The following LHX6 variants were observed in gnomAD, a reference collection of about 807,000 sequenced individuals.
LHX6 encodes the protein LIM/homeobox protein Lhx6.
A neutral mutation model predicts 47.1 loss-of-function variants in LHX6; 15 were observed. The observed-to-expected ratio is 0.32, with a 90% CI of 0.21 to 0.49. LHX6 has a LOEUF of 0.49. Ranked by LOEUF, LHX6 falls within the 20% of genes least tolerant of loss-of-function variation. LHX6 has a pLI of 0.99. For synonymous variants in LHX6, 242 were observed against 233.5 expected, an observed-to-expected ratio of 1.04 and a Z score of -0.33; for missense variants, 404 against 539.6, an observed-to-expected ratio of 0.75 and a Z score of 2.49.
In LHX6 at chr9:122,225,770, C is replaced by A. The variant is rs542287033; in HGVS notation, c.461+606G>T. ...GCCGGGGAATGAGTTGAGATGGAGCCGGAGACAGAGGTTGGGGTTCAGGAC... is the reference window on the plus strand; with the variant it reads ...GCCGGGGAATGAGTTGAGATGGAGCAGGAGACAGAGGTTGGGGTTCAGGAC... On this transcript the variant is annotated intron_variant, in intron 4 of 9. Transcript: ENST00000394319. Among the ~76,000 whole-genome samples, 3 of 152,186 alleles carry A rather than the reference C, an allele frequency of 2.0e-5. No individual in the cohort carries two copies. In the East Asian group the frequency reaches 5.8e-4, roughly 29 times the overall value.
intron 4 of LHX6, chr9:122,221,732 C>A (rs1003228469): frequency 1.0e-6 from 1 of 985,404 alleles, no homozygotes; most frequent in African/African-American, 1.7e-5. Flanking sequence ...ACCCAGGGAG[C>A]CACACATCAG....
At chr9:122,228,587 C>T (rs1158926804) in intron 1 of LHX6, 70 bp downstream of exon 1, 15 of 1,355,546 alleles carry the variant, frequency 1.1e-5, no homozygotes, top group Admixed American at 1.1e-4. Context: ...CCACCCTGCT[C>T]GGCCCGGCTG....
intron 9 of LHX6, 21 bp downstream of exon 9, chr9:122,209,593 A>G: frequency 6.2e-7 from 1 of 1,613,622 alleles, no homozygotes; most frequent in Non-Finnish European, 8.5e-7. Context: ...GACCCACCAG[A>G]CCCAACCTGG....
At chr9:122,222,635 G>A (rs1830915324) in intron 4 of LHX6, among the ~76,000 whole-genome samples, 1 of 152,224 alleles carries the variant, frequency 6.6e-6, no homozygotes, top group African/African-American at 2.4e-5. Flanking sequence ...AAGCTTTGCA[G>A]ACCCTCTCCC....
chr9:122,227,150 C>T (rs1442328453), intron 2 of LHX6, 120 bp from the exon 3 acceptor site: 2 of 977,842 alleles, frequency 2.0e-6, no homozygotes, highest in African/African-American at 1.7e-5. Context: ...CAGGACAATG[C>T]GCCGTAGACT....
In LHX6 at chr9:122,217,689, T is replaced by TG. The variant is rs1830648358; in HGVS notation, c.462-402dup. ...TCCCAATTAATCCTCATTTTGCAGGTGAGGAAAATGGGGACTAGAGAGGTA... is the reference window on the plus strand; with the variant it reads ...TCCCAATTAATCCTCATTTTGCAGGTGGAGGAAAATGGGGACTAGAGAGGTA... On this transcript the variant is annotated intron_variant, in intron 4 of 9. Transcript: ENST00000394319. This position sits in a 1 kb window ranked among gnomAD's most constrained non-coding sequence, Gnocchi z 4.9. Among the ~76,000 whole-genome samples the TG allele has an allele frequency of 6.6e-6, 1 of 152,272 alleles. No individual in the cohort carries two copies. Among genetic ancestry groups the TG allele is most frequent in the Non-Finnish European group, 1.5e-5 (1 of 68,028 alleles).
chr9:122,219,124 C>T (rs1469960414), intron 4 of LHX6, among the ~76,000 whole-genome samples: 1 of 152,216 alleles, frequency 6.6e-6, no homozygotes, highest in Non-Finnish European at 1.5e-5. Flanking sequence ...GCTCTGGTTA[C>T]AGCCTGCCTG....
At chr9:122,227,109 C>T in intron 2 of LHX6, 79 bp from the exon 3 acceptor site, 2 of 1,315,480 alleles carry the variant, frequency 1.5e-6, no homozygotes, top group East Asian at 2.6e-5. Flanking sequence ...AATCTGGGGC[C>T]CCCGAGCACC....
At chr9:122,225,157 C>A (rs927955274) in intron 4 of LHX6, among the ~76,000 whole-genome samples, 2 of 152,190 alleles carry the variant, frequency 1.3e-5, no homozygotes, top group Non-Finnish European at 2.9e-5. Flanking sequence ...CCCAGAGGCT[C>A]TTTCTAGGGC....
intron 1 of LHX6, 164 bp from the exon 2 acceptor site, chr9:122,227,644 C>T (rs1337300257): frequency 7.5e-7 from 1 of 1,334,626 alleles, no homozygotes; most frequent in African/African-American, 1.5e-5. Context: ...AGCGGTGTCT[C>T]TCTAATGAAG....
chr9:122,203,811 G>A lies in LHX6; in HGVS notation c.*949C>T, dbSNP rs895517785. The A allele has an allele frequency of 2.6e-5, 4 of 152,524 alleles. No individual in the cohort carries two copies. The highest frequency in any genetic ancestry group is 1.5e-5 in the Non-Finnish European group (1 of 68,088). 9.4% of individuals were successfully genotyped at this position (152,524 alleles called of 1,614,324 possible). A position where few individuals can be genotyped will look rare whatever the true frequency, so the allele number is the denominator to read the frequency against. ...GGCTCTGTTCCCTCTCCCCTATAAGGGATTCCCCTTCCATTGAGAAGACCT... is the reference window on the plus strand; with the variant it reads ...GGCTCTGTTCCCTCTCCCCTATAAGAGATTCCCCTTCCATTGAGAAGACCT... On this transcript the variant is annotated 3_prime_UTR_variant, in exon 10 of 10. Coordinates refer to ENST00000394319, the MANE Select transcript of LHX6 (RefSeq NM_014368.5).
At chr9:122,212,906 G>A (rs1349880453) in intron 8 of LHX6, among the ~76,000 whole-genome samples, 1 of 152,130 alleles carries the variant, frequency 6.6e-6, no homozygotes. Flanking sequence ...CATGAATGGT[G>A]TCTCACAACC....
At chr9:122,221,993 A>G (rs1210569985) in intron 4 of LHX6, among the ~76,000 whole-genome samples, 1 of 152,182 alleles carries the variant, frequency 6.6e-6, no homozygotes, top group Non-Finnish European at 1.5e-5. Flanking sequence ...TGGGATTATG[A>G]GAGTATCATA....
At chr9:122,218,639 C>CTG in intron 4 of LHX6, among the ~76,000 whole-genome samples, 1 of 152,152 alleles carries the variant, frequency 6.6e-6, no homozygotes, top group East Asian at 1.9e-4. Context: ...TTCTGCCTTG[C>CTG]TTACAATCCT....
Position 122,213,825 on chromosome 9 carries a change from G to C in LHX6, c.880-45C>G. ...AGCCTCAGCCTCGAGGAAAAGAGTCGGACGCGCCGCCGGGAGACCCCAGGC... is the reference window on the plus strand; with the variant it reads ...AGCCTCAGCCTCGAGGAAAAGAGTCCGACGCGCCGCCGGGAGACCCCAGGC... On this transcript the variant is annotated intron_variant, in intron 7 of 9. Coordinates refer to ENST00000394319, the MANE Select transcript of LHX6 (RefSeq NM_014368.5). This position sits in a 1 kb window ranked among gnomAD's most constrained non-coding sequence, Gnocchi z 5.5. 2 of 1,550,230 alleles carry C rather than the reference G, an allele frequency of 1.3e-6. No individual in the cohort carries two copies. Among genetic ancestry groups the C allele is most frequent in the Non-Finnish European group, 1.7e-6 (2 of 1,147,792 alleles).
At position 122,213,864 on chromosome 9, in the gene LHX6, C is replaced by A. The variant is rs768337791; in HGVS notation, c.880-84G>T. On this transcript the variant is annotated intron_variant, in intron 7 of 9. Coordinates refer to ENST00000394319, the MANE Select transcript of LHX6 (RefSeq NM_014368.5). This position sits in a 1 kb window ranked among gnomAD's most constrained non-coding sequence, Gnocchi z 5.5. Reference sequence around the variant, plus strand: ...GAGACCCCAGGCGGGACTGCCTCGTCGCCTCCTGGAGAAGGATGGCCACGT... The same window carrying A: ...GAGACCCCAGGCGGGACTGCCTCGTAGCCTCCTGGAGAAGGATGGCCACGT... The A allele has an allele frequency of 1.3e-6, 2 of 1,521,476 alleles. No homozygotes were observed. The highest frequency in any genetic ancestry group is 1.7e-4 in the Middle Eastern group (1 of 5,900). 94.2% of individuals were successfully genotyped at this position (1,521,476 alleles called of 1,614,324 possible).
At chr9:122,210,256 G>T (rs891809021) in intron 8 of LHX6, among the ~76,000 whole-genome samples, 1 of 151,804 alleles carries the variant, frequency 6.6e-6, no homozygotes, top group African/African-American at 2.4e-5. Context: ...GTGAGAGTGA[G>T]GTATAACCAT....
At chr9:122,205,345 C>T (rs529076219) in intron 9 of LHX6, among the ~76,000 whole-genome samples, 7 of 152,308 alleles carry the variant, frequency 4.6e-5, no homozygotes, top group Non-Finnish European at 8.8e-5. Flanking sequence ...ACTTCACATG[C>T]GCTTAATCTT....
chr9:122,228,322 A>C, intron 1 of LHX6: 2 of 1,534,570 alleles, frequency 1.3e-6, no homozygotes, highest in Non-Finnish European at 8.7e-7. Context: ...CCGCGTCGGG[A>C]TTCTCAGCGC....
Sources: gnomAD v4.1 joint callset for allele counts (sites outside exome capture counted in the v4.1 genomes callset) on GRCh38, gnomAD v4.1.1 for gene constraint, Gnocchi (gnomAD v3.1) non-coding constraint, MANE v1.5 for transcripts, NCBI Gene and HGNC (gene_info 2026-07-23, HGNC 2026-07-21) for gene names.